ELAVL4: variants seen among roughly 807,000 people sequenced by gnomAD.
ELAVL4 encodes ELAV like RNA binding protein 4, also known as ELAV-like protein 4.
Under a neutral mutation model 35.6 loss-of-function variants are expected in ELAVL4, and 1 was observed. The observed-to-expected ratio is 0.03, with a 90% CI of 0.01 to 0.13. The LOEUF (loss-of-function observed/expected upper bound fraction) is 0.13, where lower values mean the gene tolerates loss of function less well. Ranked by LOEUF, ELAVL4 falls within the 10% of genes least tolerant of loss-of-function variation. The probability of loss-of-function intolerance (pLI) is 1.00; values close to 1 mark genes in which losing one functional copy is unlikely to be tolerated. For missense variants in ELAVL4, 267 were observed against 464.9 expected (o/e 0.57, Z 3.91); for synonymous variants, 156 against 171.0 (o/e 0.91, Z 0.69).
At chr1:50,196,903 A>G (rs1057364157) in intron 5 of ELAVL4, among the ~76,000 whole-genome samples, 4 of 152,224 alleles carry the variant, frequency 2.6e-5, no homozygotes, top group South Asian at 4.1e-4. Context: ...GGCAGTAAAC[A>G]GTAAGCCACT....
intron 1 of ELAVL4, among the ~76,000 whole-genome samples, chr1:50,048,451 C>T (rs571798962): frequency 5.9e-5 from 9 of 152,324 alleles, no homozygotes; most frequent in Admixed American, 2.0e-4. Flanking sequence ...TGAGACTTCC[C>T]GGCCCCAGGG....
At chr1:50,084,297 T>C (rs1404771076) in intron 1 of ELAVL4, among the ~76,000 whole-genome samples, 1 of 152,192 alleles carries the variant, frequency 6.6e-6, no homozygotes, top group South Asian at 2.1e-4. Flanking sequence ...GGTGACATAA[T>C]TCTAATTTTA....
intron 1 of ELAVL4, among the ~76,000 whole-genome samples, chr1:50,057,698 G>A (rs1663749655): frequency 1.3e-5 from 2 of 152,154 alleles, no homozygotes; most frequent in Non-Finnish European, 2.9e-5. Flanking sequence ...ATATAACCTA[G>A]GTGTGCGGTA....
chr1:50,103,841 A>G (rs897739750), upstream of ELAVL4: 6 of 1,493,062 alleles, frequency 4.0e-6, no homozygotes, highest in Non-Finnish European at 4.5e-6. Flanking sequence ...GAGGTAATCC[A>G]GACAGCCGGA....
intron 1 of ELAVL4, among the ~76,000 whole-genome samples, chr1:50,073,692 T>C (rs1367594696): frequency 6.6e-6 from 1 of 152,014 alleles, no homozygotes; most frequent in Non-Finnish European, 1.5e-5. Context: ...AACATTAACA[T>C]GAAATGTTAA....
At chr1:50,181,798 C>T (rs1681079583) in intron 3 of ELAVL4, among the ~76,000 whole-genome samples, 1 of 152,208 alleles carries the variant, frequency 6.6e-6, no homozygotes, top group South Asian at 2.1e-4. Context: ...ATTCTCCTGC[C>T]TCAGCCTCTG....
intron 1 of ELAVL4, among the ~76,000 whole-genome samples, chr1:50,076,089 A>G (rs1047781709): frequency 3.9e-5 from 6 of 152,116 alleles, no homozygotes; most frequent in African/African-American, 1.4e-4. Flanking sequence ...TTGGCCTCCC[A>G]AAGTGCTGGG....
intron 2 of ELAVL4, among the ~76,000 whole-genome samples, chr1:50,157,295 C>T (rs184744268): frequency 1.8e-3 from 271 of 152,228 alleles, no homozygotes; most frequent in African/African-American, 6.0e-3. Context: ...ACTGACTTTT[C>T]GCACCTTTCT....
intron 1 of ELAVL4, among the ~76,000 whole-genome samples, chr1:50,142,271 C>T (rs1672946974): frequency 6.6e-6 from 1 of 152,188 alleles, no homozygotes; most frequent in African/African-American, 2.4e-5. Flanking sequence ...GCAATCTTGG[C>T]TCACTGTACC....
At chr1:50,166,662 C>T (rs946011427) in intron 2 of ELAVL4, among the ~76,000 whole-genome samples, 1 of 152,320 alleles carries the variant, frequency 6.6e-6, no homozygotes, top group South Asian at 2.1e-4. Context: ...CTGGATTGGA[C>T]TGTTGTAGCT....
At chr1:50,068,572 G>A (rs1664372554) in intron 1 of ELAVL4, among the ~76,000 whole-genome samples, 1 of 152,184 alleles carries the variant, frequency 6.6e-6, no homozygotes, top group African/African-American at 2.4e-5. Context: ...CTTGTCATCT[G>A]CCTCAGTGTC....
rs1426272748 is a variant in ELAVL4, at chr1:50,202,670, T to C, written c.*1492T>C. The C allele has an allele frequency of 6.6e-6, 1 of 151,966 alleles. No homozygotes were observed. The highest frequency in any genetic ancestry group is 2.4e-5 in the African/African-American group (1 of 41,438). 9.4% of individuals were successfully genotyped at this position (151,966 alleles called of 1,614,324 possible). On this transcript the variant is annotated 3_prime_UTR_variant, in exon 7 of 7. Transcript: ENST00000371824. ...TGTGTGTGTATGTGTATATACAATATAAATATATATATATAAAGTTATTTT... is the reference window on the plus strand; with the variant it reads ...TGTGTGTGTATGTGTATATACAATACAAATATATATATATAAAGTTATTTT...
At chr1:50,112,697 A>T (rs768332594) in intron 1 of ELAVL4, among the ~76,000 whole-genome samples, 1 of 152,110 alleles carries the variant, frequency 6.6e-6, no homozygotes, top group Non-Finnish European at 1.5e-5. Flanking sequence ...TTAATATCTC[A>T]TTTTTTAAAA....
chr1:50,182,016 T>C (rs1208565686), intron 3 of ELAVL4, among the ~76,000 whole-genome samples: 1 of 152,224 alleles, frequency 6.6e-6, no homozygotes, highest in African/African-American at 2.4e-5. Context: ...CCAATAGGGA[T>C]CATTTTAGAC....
At chr1:50,085,517 T>A (rs907723918) in intron 1 of ELAVL4, among the ~76,000 whole-genome samples, 1 of 152,170 alleles carries the variant, frequency 6.6e-6, no homozygotes, top group Non-Finnish European at 1.5e-5. Context: ...TCTGAAAACT[T>A]TATTTTGCTA....
chr1:50,067,385 GCATTAA>G (rs1210434652), intron 1 of ELAVL4, among the ~76,000 whole-genome samples: 1 of 152,120 alleles, frequency 6.6e-6, no homozygotes, highest in Non-Finnish European at 1.5e-5. Flanking sequence ...CATTTAACAG[GCATTAA>G]CCAGGAAACA....
intron 1 of ELAVL4, among the ~76,000 whole-genome samples, chr1:50,052,765 T>TAA (rs1250614775): frequency 6.6e-6 from 1 of 152,238 alleles, no homozygotes; most frequent in African/African-American, 2.4e-5. Context: ...CAGTTTATTC[T>TAA]CCTCACTAGT....
At chr1:50,094,357 T>A (rs1191719907) in intron 1 of ELAVL4, among the ~76,000 whole-genome samples, 1 of 152,186 alleles carries the variant, frequency 6.6e-6, no homozygotes, top group Non-Finnish European at 1.5e-5. Context: ...ATTGACAGTT[T>A]CAGCAGAAGG....
At chr1:50,077,196 G>C (rs977525436) in intron 1 of ELAVL4, among the ~76,000 whole-genome samples, 2 of 152,160 alleles carry the variant, frequency 1.3e-5, no homozygotes, top group African/African-American at 4.8e-5. Flanking sequence ...TATGTATTAG[G>C]TGTAGGGGAG....
Sources: gnomAD v4.1 joint callset for allele counts (sites outside exome capture counted in the v4.1 genomes callset) on GRCh38, gnomAD v4.1.1 for gene constraint, MANE v1.5 for transcripts, NCBI Gene and HGNC (gene_info 2026-07-23, HGNC 2026-07-21) for gene names.